AASS: variants seen among roughly 807,000 people sequenced by gnomAD.
The protein encoded by AASS is aminoadipate-semialdehyde synthase.
AASS carries 86 observed loss-of-function variants against 105.4 expected under a neutral mutation model. That is an observed-to-expected ratio of 0.82 (90% CI 0.69 to 0.98). The LOEUF is 0.98. Among genes scored for constraint, AASS ranks in the 50% least tolerant of loss-of-function variants. The pLI is 0.00. For missense variants in AASS, 1,048 were observed against 1,143.2 expected, an observed-to-expected ratio of 0.92 and a Z score of 1.20; for synonymous variants, 381 against 394.8, an observed-to-expected ratio of 0.96 and a Z score of 0.41.
Position 122,101,436 on chromosome 7 carries a change from T to C in AASS, c.1341A>G (p.Ala447=), listed in dbSNP as rs200577442. 8.1e-6 allele frequency: 13 copies of C among 1,608,592 alleles called. No homozygotes were observed. The highest frequency in any genetic ancestry group is 1.1e-5 in the Non-Finnish European group (13 of 1,175,548). The part of the protein sequence containing the change: ...SQNFSPVVRD[A]VITSNGTLPD... Reference sequence around the variant, plus strand: ...GTAATGTACCGTTGGATGTAATCACTGCCTAAATGTATATGACACAAGACA... The same window carrying C: ...GTAATGTACCGTTGGATGTAATCACCGCCTAAATGTATATGACACAAGACA... Residue 447 remains alanine (A), a splice_region_variant and synonymous_variant, in exon 13 of 24, where the codon GCA becomes GCG. Transcript: ENST00000417368.
chr7:122,119,574 C>T (rs1481247060), intron 4 of AASS, among the ~76,000 whole-genome samples: 3 of 152,128 alleles, frequency 2.0e-5, no homozygotes, highest in Non-Finnish European at 2.9e-5. Flanking sequence ...CCCCAACAAA[C>T]ATCCCTACCA....
intron 19 of AASS, 77 bp from the exon 20 acceptor site, chr7:122,081,672 G>A: frequency 1.0e-6 from 1 of 978,938 alleles, no homozygotes; most frequent in Non-Finnish European, 1.6e-6. Flanking sequence ...TTGAAAAGAG[G>A]GATATATCTT....
Position 122,092,926 on chromosome 7 carries a change from T to G in AASS, c.1792A>C (p.Ile598Leu). ...KSVEDAGITI[I>L]GELGLDPGLD... ...CCAGGGTCCAATCCCAATTCACCAA[T>G]GATTGTGATGCCAGCATCTTCCACA... The change falls in exon 17 of 24, where the codon ATT becomes CTT. Residue 598 changes from isoleucine to leucine, a missense_variant. Ile to Leu is a conservative substitution (Grantham distance 5, BLOSUM62 2). Transcript: ENST00000417368. 6.2e-7 allele frequency: 1 copy of G among 1,613,876 alleles called. No homozygotes were observed. The highest frequency in any genetic ancestry group is 1.7e-5 in the Admixed American group (1 of 59,960).
intron 1 of AASS, among the ~76,000 whole-genome samples, chr7:122,136,696 G>T (rs778082753): frequency 2.6e-5 from 4 of 152,142 alleles, no homozygotes; most frequent in African/African-American, 7.2e-5. Context: ...CCCAGCAGGG[G>T]CTGTGTTTCA....
intron 11 of AASS, among the ~76,000 whole-genome samples, chr7:122,103,198 T>A (rs1794512248): frequency 6.6e-6 from 1 of 151,938 alleles, no homozygotes; most frequent in Non-Finnish European, 1.5e-5. Flanking sequence ...ACAAATGATA[T>A]TAAAAGCAGC....
Position 122,133,673 on chromosome 7 carries a change from C to G in AASS, c.54G>C (p.Lys18Asn), listed in dbSNP as rs2150553796. ...CCAACACAGCTTTGTGGTGAAGACC[C>G]TTGGAGAGGCTGACCCCCAGCCTGC... ...GLGRLGVSLS[K>N]GLHHKAVLAV... Residue 18 changes from lysine to asparagine, a missense_variant, in exon 2 of 24, where the codon AAG becomes AAC. Transcript: ENST00000417368. The G allele has an allele frequency of 6.2e-7, 1 of 1,614,172 alleles. No homozygotes were observed. The highest frequency in any genetic ancestry group is 1.3e-5 in the African/African-American group (1 of 75,052).
chr7:122,127,395 A>G (rs1795706911), intron 3 of AASS, among the ~76,000 whole-genome samples: 1 of 152,188 alleles, frequency 6.6e-6, no homozygotes, highest in Non-Finnish European at 1.5e-5. Context: ...AAGAATGTTT[A>G]TCATTCTTCC....
rs80146204 is a variant in AASS, at chr7:122,088,897, G to C, written c.2017-2718C>G. ...GAAACTAAGAGAAGATGAAATCACT[G>C]TCTCCGAATATGTGGAAGAAAATCA... On this transcript the variant is annotated intron_variant, in intron 18 of 23. Transcript: ENST00000417368. Among the ~76,000 whole-genome samples, 27 of 152,216 alleles carry C rather than the reference G, an allele frequency of 1.8e-4. No individual in the cohort carries two copies. The East Asian group carries it at 4.1e-3, about 23-fold the overall frequency.
chr7:122,128,682 G>A (rs546366263), intron 3 of AASS, among the ~76,000 whole-genome samples: 1 of 152,294 alleles, frequency 6.6e-6, no homozygotes, highest in African/African-American at 2.4e-5. Context: ...GCACTGAATA[G>A]ATATTTGTTA....
chr7:122,090,633 C>A (rs1793852049), intron 18 of AASS, among the ~76,000 whole-genome samples: 1 of 152,108 alleles, frequency 6.6e-6, no homozygotes, highest in African/African-American at 2.4e-5. Flanking sequence ...CCTGCAGGGC[C>A]AGGACTAGGG....
chr7:122,099,616 T>G (rs1199628040), intron 13 of AASS, among the ~76,000 whole-genome samples: 5 of 151,884 alleles, frequency 3.3e-5, no homozygotes, highest in Admixed American at 2.6e-4. Flanking sequence ...AATATGGAAT[T>G]TACTCATTAA....
At chr7:122,123,762 A>T (rs1473397224) in intron 4 of AASS, among the ~76,000 whole-genome samples, 1 of 152,182 alleles carries the variant, frequency 6.6e-6, no homozygotes, top group Non-Finnish European at 1.5e-5. Context: ...TCATTCCACC[A>T]TCCCTAGACT....
chr7:122,136,327 C>T (rs966124640), intron 1 of AASS, among the ~76,000 whole-genome samples: 6 of 151,964 alleles, frequency 3.9e-5, no homozygotes, highest in African/African-American at 1.5e-4. Context: ...GACCAAACAG[C>T]GAAGAGTCCA....
Position 122,078,340 on chromosome 7 carries a change from G to A in AASS, c.2486-326C>T, listed in dbSNP as rs193199196. Among the ~76,000 whole-genome samples, 13 of 152,048 alleles carry A rather than the reference G, an allele frequency of 8.5e-5. 1 individual carries two copies. Among genetic ancestry groups the A allele is most frequent in the Admixed American group, 3.9e-4 (6 of 15,272 alleles). ...TTAAAAAAAAAAAGTAATGTCGGGCGCGGTGGCTCATGCCTGTAATCCCAG... is the reference window on the plus strand; with the variant it reads ...TTAAAAAAAAAAAGTAATGTCGGGCACGGTGGCTCATGCCTGTAATCCCAG... On this transcript the variant is annotated intron_variant, in intron 22 of 23. Transcript: ENST00000417368.
At chr7:122,082,938 G>A (rs1793440279) in intron 19 of AASS, 2 of 1,125,188 alleles carry the variant, frequency 1.8e-6, no homozygotes, top group Non-Finnish European at 2.4e-6. Context: ...AATAATAGAT[G>A]AAGTGAAGAA....
intron 1 of AASS, among the ~76,000 whole-genome samples, chr7:122,140,485 C>CAAAAAAAAAAAAAAAAAAAAAAAAAAAAA (rs57828681): frequency 1.1e-4 from 4 of 37,336 alleles, no homozygotes; most frequent in Admixed American, 3.8e-4. Flanking sequence ...GACTCAGTCT[C>CAAAAAAAAAAAAAAAAAAAAAAAAAAAAA]AAAAAAAAAA....
At chr7:122,101,508 T>C in intron 12 of AASS, 70 bp from the exon 13 acceptor site, 1 of 1,495,878 alleles carries the variant, frequency 6.7e-7, no homozygotes. Context: ...GTGTCATGAC[T>C]GATAGAGAAA....
intron 19 of AASS, 114 bp from the exon 20 acceptor site, chr7:122,081,709 A>T (rs1464761736): frequency 1.1e-5 from 8 of 741,764 alleles, no homozygotes; most frequent in Non-Finnish European, 1.8e-5. Flanking sequence ...AACTGTTTAT[A>T]TTGATGATAT....
Position 122,118,630 on chromosome 7 carries a change from C to T in AASS, c.473G>A (p.Gly158Glu). The change falls in exon 5 of 24, where the codon GGA becomes GAA. Residue 158 changes from glycine (G) to glutamate (E), a missense_variant and splice_region_variant. By Grantham distance (98) the Gly-to-Glu change is moderately conservative (BLOSUM62 -2). Transcript: ENST00000417368. ...CATTCCATGTAAAATGTTGATCATTCCTGTTACAGAATCAGACCAATAGAA... is the reference window on the plus strand; with the variant it reads ...CATTCCATGTAAAATGTTGATCATTTCTGTTACAGAATCAGACCAATAGAA... The part of the protein sequence containing the change: ...VAFGQWAGVA[G>E]MINILHGMGL... 1 of 1,613,538 alleles carries T rather than the reference C, an allele frequency of 6.2e-7. No individual in the cohort carries two copies. Among genetic ancestry groups the T allele is most frequent in the Non-Finnish European group, 8.5e-7 (1 of 1,179,786 alleles).
Sources: gnomAD v4.1 joint callset for allele counts (sites outside exome capture counted in the v4.1 genomes callset) on GRCh38, gnomAD v4.1.1 for gene constraint, MANE v1.5 for transcripts, NCBI Gene and HGNC (gene_info 2026-07-23, HGNC 2026-07-21) for gene names.